Variants in SDK1 observed in about 807,000 individuals in gnomAD.
The protein encoded by SDK1 is sidekick cell adhesion molecule 1.
In SDK1, 157 loss-of-function variants were observed where a neutral mutation model predicts 245.5. The ratio of observed to expected loss-of-function variants is 0.64; its 90% CI spans 0.56 to 0.73. The LOEUF (loss-of-function observed/expected upper bound fraction) is 0.73, where lower values mean the gene tolerates loss of function less well. SDK1 is among the 30% of genes least tolerant of loss of function. The pLI is 0.00. For synonymous variants in SDK1, 1,647 were observed against 1,278.5 expected (o/e 1.29, Z -6.15); for missense variants, 3,583 against 3,002.3 (o/e 1.19, Z -4.52).
At chr7:3,403,868 T>TATATATATAA (rs1432926129) in intron 1 of SDK1, among the ~76,000 whole-genome samples, 3 of 108,926 alleles carry the variant, frequency 2.8e-5, no homozygotes, top group Non-Finnish European at 5.7e-5. Flanking sequence ...TATATATATA[T>TATATATATAA]AATATATATA....
Position 4,143,802 on chromosome 7 carries a change from C to T in SDK1, c.4229-1920C>T, listed in dbSNP as rs558883338. Among the ~76,000 whole-genome samples, 99 of 152,324 alleles carry T rather than the reference C, an allele frequency of 6.5e-4. No homozygotes were observed. In the East Asian group the frequency reaches 6.8e-3, roughly 10 times the overall value. ...CAGCCCGACTCTCTCGTCACTTTCTCGCTGGGGACCCATCTTGGAGCTTCA... is the reference window on the plus strand; with the variant it reads ...CAGCCCGACTCTCTCGTCACTTTCTTGCTGGGGACCCATCTTGGAGCTTCA... On this transcript the variant is annotated intron_variant, in intron 28 of 44. Transcript: ENST00000404826.
At chr7:3,327,209 A>G (rs982835260) in intron 1 of SDK1, among the ~76,000 whole-genome samples, 1 of 152,168 alleles carries the variant, frequency 6.6e-6, no homozygotes. Context: ...ATAGTGTCAC[A>G]CAGGGAATGG....
intron 1 of SDK1, among the ~76,000 whole-genome samples, chr7:3,488,821 C>T (rs979472183): frequency 6.6e-6 from 1 of 152,054 alleles, no homozygotes; most frequent in African/African-American, 2.4e-5. Flanking sequence ...GGCTGGCTGT[C>T]CTCAGGGTCT....
In SDK1 at chr7:4,168,964, G is replaced by A. The variant is rs200629515; in HGVS notation, c.4801-5258G>A. ...GACAGGACTCCCAGCAGGACCGCCT[G>A]GGACCATCTGGGTGGACCAGGAGCC... On this transcript the variant is annotated intron_variant, in intron 32 of 44. Transcript: ENST00000404826. Among the ~76,000 whole-genome samples the A allele has an allele frequency of 2.7e-4, 41 of 152,326 alleles. No individual in the cohort carries two copies. The East Asian group carries it at 7.5e-3, about 28-fold the overall frequency.
chr7:3,984,530 G>A (rs2128138227), intron 13 of SDK1, among the ~76,000 whole-genome samples: 1 of 152,282 alleles, frequency 6.6e-6, no homozygotes, highest in South Asian at 2.1e-4. Context: ...CTTGTCAGGG[G>A]CCACAGGTCA....
intron 5 of SDK1, among the ~76,000 whole-genome samples, chr7:3,839,710 A>T (rs1780110823): frequency 6.6e-6 from 1 of 152,176 alleles, no homozygotes; most frequent in Non-Finnish European, 1.5e-5. Flanking sequence ...ATTTCCAGTA[A>T]ATTTTACTTT....
intron 17 of SDK1, among the ~76,000 whole-genome samples, chr7:4,032,980 C>T (rs556860335): frequency 6.6e-6 from 1 of 151,282 alleles, no homozygotes; most frequent in African/African-American, 2.5e-5. Context: ...AAAATTCATT[C>T]ATAAAAATAA....
chr7:3,945,443 G>A (rs572016923), intron 5 of SDK1, among the ~76,000 whole-genome samples: 1 of 152,192 alleles, frequency 6.6e-6, no homozygotes, highest in Non-Finnish European at 1.5e-5. Flanking sequence ...ACACAAAACA[G>A]AACTTCAGAA....
At chr7:3,514,570 A>G (rs1782680380) in intron 1 of SDK1, among the ~76,000 whole-genome samples, 1 of 152,118 alleles carries the variant, frequency 6.6e-6, no homozygotes, top group Non-Finnish European at 1.5e-5. Flanking sequence ...GTGTCTCGTC[A>G]CTGTCCTAGG....
intron 14 of SDK1, among the ~76,000 whole-genome samples, chr7:4,000,626 T>A (rs532127056): frequency 7.9e-5 from 12 of 152,310 alleles, no homozygotes; most frequent in Non-Finnish European, 1.5e-4. Context: ...CTGTTCAACA[T>A]CTCCATCCCC....
At chr7:3,778,186 C>G (rs1375993793) in intron 4 of SDK1, among the ~76,000 whole-genome samples, 4 of 152,100 alleles carry the variant, frequency 2.6e-5, no homozygotes, top group Non-Finnish European at 1.5e-5. Context: ...CACCTTTAAG[C>G]AAATGTTTGT....
intron 25 of SDK1, among the ~76,000 whole-genome samples, chr7:4,124,382 C>T (rs867141529): frequency 7.9e-5 from 12 of 152,306 alleles, no homozygotes; most frequent in East Asian, 3.9e-4. Context: ...CTGGTGGTTC[C>T]GTGGCTCGGA....
At chr7:4,111,619 C>A (rs1211178800) in intron 23 of SDK1, among the ~76,000 whole-genome samples, 2 of 151,820 alleles carry the variant, frequency 1.3e-5, no homozygotes, top group African/African-American at 4.8e-5. Context: ...ACACAATACA[C>A]TGGGTTTTAA....
At chr7:3,573,798 C>G (rs546104193) in intron 1 of SDK1, among the ~76,000 whole-genome samples, 1 of 151,916 alleles carries the variant, frequency 6.6e-6, no homozygotes, top group Non-Finnish European at 1.5e-5. Flanking sequence ...CTAAGTCATG[C>G]TGAGAACCCT....
At chr7:3,590,409 A>G (rs1256976119) in intron 1 of SDK1, among the ~76,000 whole-genome samples, 1 of 151,782 alleles carries the variant, frequency 6.6e-6, no homozygotes, top group African/African-American at 2.4e-5. Context: ...ACTCTGCAGA[A>G]CAAAGATTTT....
chr7:3,555,578 C>A (rs1440425815), intron 1 of SDK1, among the ~76,000 whole-genome samples: 1 of 152,114 alleles, frequency 6.6e-6, no homozygotes, highest in Non-Finnish European at 1.5e-5. Flanking sequence ...CAAATGAGAT[C>A]ACATGAAGTT....
chr7:3,537,815 T>C (rs755047576), intron 1 of SDK1, among the ~76,000 whole-genome samples: 8 of 152,164 alleles, frequency 5.3e-5, no homozygotes, highest in East Asian at 1.9e-4. Flanking sequence ...TAGAAGGTGA[T>C]AGCCTGGCTG....
chr7:4,059,348 G>A (rs1419163929), intron 19 of SDK1, among the ~76,000 whole-genome samples: 6 of 151,076 alleles, frequency 4.0e-5, no homozygotes, highest in Non-Finnish European at 7.4e-5. Context: ...AAGAGACAAA[G>A]AAGGTTATTG....
rs556899223 is a variant in SDK1, at chr7:4,198,178, T to C, written c.5099-7701T>C. Among the ~76,000 whole-genome samples the C allele has an allele frequency of 5.9e-5, 9 of 152,332 alleles. No individual in the cohort carries two copies. The South Asian group carries it at 1.9e-3, about 32-fold the overall frequency. On this transcript the variant is annotated intron_variant, in intron 35 of 44. Coordinates refer to ENST00000404826, the MANE Select transcript of SDK1 (RefSeq NM_152744.4). ...GTCACCTGCCTCTGTGGAAATGTCC[T>C]GTAGCTCCTGTTTCCTGCAGGGTGT...
Sources: allele counts gnomAD v4.1 joint callset (sites outside exome capture counted in the v4.1 genomes callset), GRCh38; gene constraint gnomAD v4.1.1; transcripts MANE v1.5; gene names NCBI Gene and HGNC (gene_info 2026-07-23, HGNC 2026-07-21).